The following SDK1 variants were observed in gnomAD, a reference collection of about 807,000 sequenced individuals.
The protein encoded by SDK1 is sidekick cell adhesion molecule 1.
A neutral mutation model predicts 245.5 loss-of-function variants in SDK1; 157 were observed. The ratio of observed to expected loss-of-function variants is 0.64; its 90% CI spans 0.56 to 0.73. The LOEUF (loss-of-function observed/expected upper bound fraction) is 0.73, where lower values mean the gene tolerates loss of function less well. Ranked by LOEUF, SDK1 falls within the 30% of genes least tolerant of loss-of-function variation. The probability of loss-of-function intolerance (pLI) is 0.00; values close to 1 mark genes in which losing one functional copy is unlikely to be tolerated. For missense variants in SDK1, 3,583 were observed against 3,002.3 expected, an observed-to-expected ratio of 1.19 and a Z score of -4.52; for synonymous variants, 1,647 against 1,278.5, an observed-to-expected ratio of 1.29 and a Z score of -6.15.
At chr7:3,463,025 G>A (rs924267706) in intron 1 of SDK1, among the ~76,000 whole-genome samples, 1 of 152,158 alleles carries the variant, frequency 6.6e-6, no homozygotes, top group Non-Finnish European at 1.5e-5. Flanking sequence ...TCCTCTGAGA[G>A]GTGAATTGTG....
intron 4 of SDK1, among the ~76,000 whole-genome samples, chr7:3,807,518 TGG>T (rs1355897030): frequency 1.1e-4 from 17 of 152,104 alleles, no homozygotes; most frequent in Non-Finnish European, 1.5e-5. Flanking sequence ...TCTTAGCCAG[TGG>T]GGGTATCTGA....
intron 1 of SDK1, among the ~76,000 whole-genome samples, chr7:3,469,955 C>T (rs1022138001): frequency 6.6e-6 from 1 of 152,104 alleles, no homozygotes; most frequent in Non-Finnish European, 1.5e-5. Flanking sequence ...TTGCTTCTGG[C>T]ATGAAGGAAT....
At chr7:3,754,780 C>G (rs952201498) in intron 4 of SDK1, among the ~76,000 whole-genome samples, 1 of 152,044 alleles carries the variant, frequency 6.6e-6, no homozygotes, top group Non-Finnish European at 1.5e-5. Flanking sequence ...AGATAGTACC[C>G]GATTCACTAA....
chr7:3,783,047 G>A (rs563674125), intron 4 of SDK1, among the ~76,000 whole-genome samples: 28 of 152,206 alleles, frequency 1.8e-4, no homozygotes, highest in African/African-American at 6.3e-4. Context: ...TTTATTCTTC[G>A]ATACAAGGAT....
At chr7:3,386,846 A>G (rs972746321) in intron 1 of SDK1, among the ~76,000 whole-genome samples, 5 of 152,262 alleles carry the variant, frequency 3.3e-5, no homozygotes, top group African/African-American at 1.2e-4. Flanking sequence ...TTTTGGCCCA[A>G]GAGTAGACAA....
At chr7:3,603,653 TCA>T in intron 1 of SDK1, among the ~76,000 whole-genome samples, 1 of 152,334 alleles carries the variant, frequency 6.6e-6, no homozygotes, top group East Asian at 1.9e-4. Context: ...CTTCCTTTTT[TCA>T]TAATTGAATA....
intron 4 of SDK1, among the ~76,000 whole-genome samples, chr7:3,708,274 C>T (rs1477131368): frequency 1.3e-5 from 2 of 152,060 alleles, no homozygotes; most frequent in African/African-American, 4.8e-5. Context: ...AAACCCACCT[C>T]CAAGGTCCAG....
intron 1 of SDK1, among the ~76,000 whole-genome samples, chr7:3,426,664 C>G (rs1779687131): frequency 6.6e-6 from 1 of 152,244 alleles, no homozygotes; most frequent in Non-Finnish European, 1.5e-5. Context: ...TTGGTCAATT[C>G]TGCATTTGAA....
intron 1 of SDK1, among the ~76,000 whole-genome samples, chr7:3,560,032 C>G (rs551284835): frequency 1.3e-5 from 2 of 152,320 alleles, no homozygotes; most frequent in South Asian, 4.1e-4. Flanking sequence ...GGAGATAGCT[C>G]AAAGCAACCT....
intron 4 of SDK1, among the ~76,000 whole-genome samples, chr7:3,665,824 C>T (rs533815575): frequency 2.0e-5 from 3 of 152,258 alleles, no homozygotes; most frequent in South Asian, 4.1e-4. Flanking sequence ...GAGTATCCAG[C>T]GTTCCTTGTG....
rs765443886 is a variant in SDK1, at chr7:3,969,240, T to G, written c.1547-17T>G. 1.3e-6 allele frequency: 2 copies of G among 1,573,248 alleles called. No individual in the cohort carries two copies. Among genetic ancestry groups the G allele is most frequent in the Non-Finnish European group, 1.7e-6 (2 of 1,157,790 alleles). On this transcript the variant is annotated splice_polypyrimidine_tract_variant and intron_variant, in intron 10 of 44. Transcript: ENST00000404826. ...CGTTACGACTGTAACATGCCTCTTT[T>G]CTCCACTGTTCTTTAGAAAACCACA...
intron 1 of SDK1, among the ~76,000 whole-genome samples, chr7:3,335,871 G>A (rs969951206): frequency 4.0e-5 from 6 of 150,280 alleles, no homozygotes; most frequent in Non-Finnish European, 8.8e-5. Flanking sequence ...ACCCTCTTAG[G>A]ACTCAAAATC....
chr7:3,740,959 T>A (rs1362317995), intron 4 of SDK1, among the ~76,000 whole-genome samples: 1 of 152,268 alleles, frequency 6.6e-6, no homozygotes, highest in East Asian at 1.9e-4. Flanking sequence ...GTTCATCAGG[T>A]GTGGACACAG....
At chr7:3,528,576 C>T (rs538127058) in intron 1 of SDK1, among the ~76,000 whole-genome samples, 10 of 152,084 alleles carry the variant, frequency 6.6e-5, no homozygotes, top group Non-Finnish European at 1.5e-4. Flanking sequence ...GAGAATCAAC[C>T]ATAGGATTGC....
chr7:3,698,515 C>T (rs6950613), intron 4 of SDK1, among the ~76,000 whole-genome samples: 39,675 of 152,020 alleles, frequency 0.26, 5,317 homozygotes, highest in African/African-American at 0.29. Flanking sequence ...TCACTCAGAG[C>T]GTCAGTGGAG....
intron 13 of SDK1, among the ~76,000 whole-genome samples, chr7:3,980,346 A>G (rs1783303917): frequency 1.3e-5 from 2 of 152,140 alleles, no homozygotes; most frequent in Non-Finnish European, 2.9e-5. Context: ...CCTGTGCCTG[A>G]CGGTGGTTTT....
At chr7:4,070,078 T>C (rs1780152286) in intron 20 of SDK1, among the ~76,000 whole-genome samples, 1 of 152,242 alleles carries the variant, frequency 6.6e-6, no homozygotes, top group South Asian at 2.1e-4. Context: ...GTTCTGTTTA[T>C]TAAGTAGTTA....
chr7:3,342,527 G>T (rs1466018462), intron 1 of SDK1, among the ~76,000 whole-genome samples: 1 of 152,112 alleles, frequency 6.6e-6, no homozygotes, highest in Non-Finnish European at 1.5e-5. Flanking sequence ...GGTGGAGGTT[G>T]CGGTGAGCCG....
intron 14 of SDK1, among the ~76,000 whole-genome samples, chr7:3,998,129 C>G (rs1231297025): frequency 6.6e-6 from 1 of 152,250 alleles, no homozygotes; most frequent in Non-Finnish European, 1.5e-5. Context: ...GGGCTCCTGC[C>G]TGCTCCATGG....
Sources: gnomAD v4.1 joint callset for allele counts (sites outside exome capture counted in the v4.1 genomes callset) on GRCh38, gnomAD v4.1.1 for gene constraint, MANE v1.5 for transcripts, NCBI Gene and HGNC (gene_info 2026-07-23, HGNC 2026-07-21) for gene names.